Variants in CHCHD6 observed in about 807,000 individuals in gnomAD.
CHCHD6 encodes the protein MICOS complex subunit MIC25.
A neutral mutation model predicts 32.3 loss-of-function variants in CHCHD6; 28 were observed. The ratio of observed to expected loss-of-function variants is 0.87; its 90% CI spans 0.64 to 1.19. The LOEUF is 1.19. CHCHD6 is among the 50% of genes most tolerant of loss of function. The probability of loss-of-function intolerance (pLI) is 0.00; values close to 1 mark genes in which losing one functional copy is unlikely to be tolerated. For missense variants in CHCHD6, 333 were observed against 307.0 expected, an observed-to-expected ratio of 1.08 and a Z score of -0.63; for synonymous variants, 122 against 117.5, an observed-to-expected ratio of 1.04 and a Z score of -0.25.
At chr3:126,867,431 AGGTACTTACG>A (rs1159654813) in intron 5 of CHCHD6, among the ~76,000 whole-genome samples, 1 of 152,246 alleles carries the variant, frequency 6.6e-6, no homozygotes, top group Non-Finnish European at 1.5e-5. Context: ...CCAGCTAAAT[AGGTACTTACG>A]GGTTGAAGAG....
At chr3:126,780,306 A>C (rs1937872489) in intron 4 of CHCHD6, 1 of 420,164 alleles carries the variant, frequency 2.4e-6, no homozygotes. Flanking sequence ...TTTTTCTATT[A>C]ATTTCCTTCA....
At chr3:126,865,413 C>T (rs987454933) in intron 5 of CHCHD6, 2 of 231,290 alleles carry the variant, frequency 8.6e-6, no homozygotes, top group Non-Finnish European at 1.4e-5. Flanking sequence ...GCCTCCACCA[C>T]AACCACCACT....
At chr3:126,834,318 T>C (rs1162695881) in intron 4 of CHCHD6, among the ~76,000 whole-genome samples, 1 of 152,168 alleles carries the variant, frequency 6.6e-6, no homozygotes, top group Non-Finnish European at 1.5e-5. Context: ...ATAGGATATA[T>C]TTAAGTGCTA....
chr3:126,732,349 T>C (rs1935850782), intron 3 of CHCHD6, among the ~76,000 whole-genome samples: 4 of 152,250 alleles, frequency 2.6e-5, no homozygotes, highest in African/African-American at 7.2e-5. Context: ...CATATCTTGC[T>C]ATTTTCACTT....
chr3:126,781,215 G>A (rs576622415), intron 4 of CHCHD6, among the ~76,000 whole-genome samples: 1 of 152,282 alleles, frequency 6.6e-6, no homozygotes, highest in Non-Finnish European at 1.5e-5. Context: ...GGGAGTGGCT[G>A]CTAGGGCGCC....
intron 4 of CHCHD6, among the ~76,000 whole-genome samples, chr3:126,745,375 C>A (rs937964865): frequency 1.3e-5 from 2 of 152,144 alleles, no homozygotes; most frequent in African/African-American, 4.8e-5. Flanking sequence ...CCTCACATGT[C>A]AAATGGCACA....
At chr3:126,794,663 A>G (rs577212875) in intron 4 of CHCHD6, among the ~76,000 whole-genome samples, 74 of 152,212 alleles carry the variant, frequency 4.9e-4, no homozygotes, top group African/African-American at 1.6e-3. Context: ...TAGGACTTCT[A>G]TGGCAAAATA....
chr3:126,838,224 G>GT (rs1477262943), intron 4 of CHCHD6, among the ~76,000 whole-genome samples: 1 of 152,206 alleles, frequency 6.6e-6, no homozygotes, highest in Admixed American at 6.5e-5. Context: ...AAGTTTCCTT[G>GT]TGAGGCATCA....
At chr3:126,914,772 T>G in intron 6 of CHCHD6, 22 bp downstream of exon 6, 1 of 1,405,228 alleles carries the variant, frequency 7.1e-7, no homozygotes. Context: ...TTTATTATTC[T>G]TTGTAAACTT....
intron 4 of CHCHD6, among the ~76,000 whole-genome samples, chr3:126,739,825 A>G (rs1936212607): frequency 6.6e-6 from 1 of 152,102 alleles, no homozygotes; most frequent in Admixed American, 6.5e-5. Context: ...GACAGTTCCA[A>G]CACCTTGGTC....
chr3:126,846,014 AT>A (rs1171575639), intron 4 of CHCHD6, among the ~76,000 whole-genome samples: 1 of 152,204 alleles, frequency 6.6e-6, no homozygotes, highest in African/African-American at 2.4e-5. Flanking sequence ...ATTTTAATTT[AT>A]CATGTCCCAT....
chr3:126,751,371 G>A (rs999929189), intron 4 of CHCHD6, among the ~76,000 whole-genome samples: 7 of 151,940 alleles, frequency 4.6e-5, no homozygotes, highest in African/African-American at 1.7e-4. Context: ...GCGTGATGGT[G>A]TACACCTGTG....
intron 2 of CHCHD6, among the ~76,000 whole-genome samples, chr3:126,730,166 A>G (rs1056747303): frequency 2.0e-5 from 3 of 152,290 alleles, no homozygotes; most frequent in East Asian, 1.9e-4. Context: ...TCCCTTCCCT[A>G]TGCCAAAACC....
At chr3:126,949,025 A>C (rs2107606711) in intron 6 of CHCHD6, among the ~76,000 whole-genome samples, 1 of 152,354 alleles carries the variant, frequency 6.6e-6, no homozygotes, top group South Asian at 2.1e-4. Flanking sequence ...TCTCTGCCTT[A>C]CCTGAGAGTC....
At chr3:126,893,009 C>A (rs1465544656) in intron 5 of CHCHD6, among the ~76,000 whole-genome samples, 1 of 151,946 alleles carries the variant, frequency 6.6e-6, no homozygotes, top group Admixed American at 6.6e-5. Context: ...TGCTCTGTCT[C>A]CCAGGCTGGA....
At chr3:126,831,593 CAGCCCCAG>C (rs1326317082) in intron 4 of CHCHD6, among the ~76,000 whole-genome samples, 1 of 152,216 alleles carries the variant, frequency 6.6e-6, no homozygotes, top group East Asian at 1.9e-4. Context: ...TGTAGGCGAT[CAGCCCCAG>C]GCTGATATCT....
intron 1 of CHCHD6, among the ~76,000 whole-genome samples, chr3:126,722,770 A>G (rs528390267): frequency 9.7e-4 from 148 of 152,232 alleles, no homozygotes; most frequent in Admixed American, 2.9e-3. Context: ...CAGTTGCCCT[A>G]TGGTGTCATT....
intron 6 of CHCHD6, among the ~76,000 whole-genome samples, chr3:126,939,335 G>A (rs1399985146): frequency 2.6e-5 from 4 of 152,204 alleles, no homozygotes; most frequent in Admixed American, 2.0e-4. Context: ...AATAGCTCTG[G>A]AAGTAGTGAA....
intron 5 of CHCHD6, among the ~76,000 whole-genome samples, chr3:126,908,039 T>TA (rs2078030588): frequency 6.6e-6 from 1 of 152,148 alleles, no homozygotes; most frequent in Admixed American, 6.5e-5. Context: ...CGGTAATTCT[T>TA]ACCTTGAAAT....
Sources: allele counts gnomAD v4.1 joint callset (sites outside exome capture counted in the v4.1 genomes callset), GRCh38; gene constraint gnomAD v4.1.1; transcripts MANE v1.5; gene names NCBI Gene and HGNC (gene_info 2026-07-23, HGNC 2026-07-21).